Variants in ELP4 observed in about 807,000 individuals in gnomAD.
ELP4 encodes the protein elongator acetyltransferase complex subunit 4, also known as elongator complex protein 4.
In ELP4, 51 loss-of-function variants were observed where a neutral mutation model predicts 48.9. That is an observed-to-expected ratio of 1.04 (90% CI 0.83 to 1.32). ELP4 has a LOEUF of 1.32. Among genes scored for constraint, ELP4 ranks in the 40% most tolerant of loss-of-function variants. ELP4 has a pLI of 0.00. For synonymous variants in ELP4, 210 were observed against 189.2 expected (o/e 1.11, Z -0.90); for missense variants, 519 against 514.6 (o/e 1.01, Z -0.08).
At chr11:31,654,601 G>A (rs1278265863) in intron 9 of ELP4, 1 of 151,754 alleles carries the variant, frequency 6.6e-6, no homozygotes, top group East Asian at 1.9e-4. Flanking sequence ...GTACTATTCA[G>A]TAGGATTATT....
chr11:31,594,363 A>G (rs1957638123), intron 3 of ELP4, among the ~76,000 whole-genome samples: 1 of 152,116 alleles, frequency 6.6e-6, no homozygotes, highest in Non-Finnish European at 1.5e-5. Context: ...TTCTAAAATT[A>G]CAAACCAATA....
rs373950970 is a variant in ELP4, at chr11:31,550,532, A to G, written c.381+10749A>G. Among the ~76,000 whole-genome samples, 7 of 152,196 alleles carry G rather than the reference A, an allele frequency of 4.6e-5. No homozygotes were observed. In the East Asian group the frequency reaches 9.6e-4, roughly 21 times the overall value. On this transcript the variant is annotated intron_variant, in intron 3 of 9. Transcript: ENST00000640961. ...AAGAACTGAGGGTCCTGGGAATTTAACTATGTCAGTAGTCTTTTTTACTTT... is the reference window on the plus strand; with the variant it reads ...AAGAACTGAGGGTCCTGGGAATTTAGCTATGTCAGTAGTCTTTTTTACTTT...
chr11:31,618,260 C>T (rs745690254), intron 5 of ELP4, among the ~76,000 whole-genome samples: 10 of 151,978 alleles, frequency 6.6e-5, no homozygotes, highest in Non-Finnish European at 1.3e-4. Context: ...AACACAATAC[C>T]GTAGACTAAG....
chr11:31,627,239 T>C (rs1944763966), intron 6 of ELP4, 45 bp downstream of exon 6: 2 of 292,468 alleles, frequency 6.8e-6, no homozygotes, highest in Non-Finnish European at 1.1e-5. Context: ...TATATAATGT[T>C]GTTTTCAAAT....
chr11:31,588,847 G>A (rs1957521744), intron 3 of ELP4, among the ~76,000 whole-genome samples: 2 of 152,116 alleles, frequency 1.3e-5, no homozygotes, highest in Non-Finnish European at 2.9e-5. Flanking sequence ...GCTGGGCGTG[G>A]TGGCGCACAC....
In ELP4 at chr11:31,789,195, C is replaced by T. The variant is rs1450307937; in HGVS notation, c.*5671C>T. 1 of 206,678 alleles carries T rather than the reference C, an allele frequency of 4.8e-6. No individual in the cohort carries two copies. The highest frequency in any genetic ancestry group is 2.3e-5 in the African/African-American group (1 of 43,898). 12.8% of individuals were successfully genotyped at this position (206,678 alleles called of 1,614,324 possible). On this transcript the variant is annotated 3_prime_UTR_variant, in exon 10 of 10. Transcript: ENST00000640961. ...GTGTATAAAACATCTATATTCTTGTCAAATATAAATGAAATTAACTTTATT... is the reference window on the plus strand; with the variant it reads ...GTGTATAAAACATCTATATTCTTGTTAAATATAAATGAAATTAACTTTATT...
chr11:31,766,987 T>G (rs371566553), intron 9 of ELP4, among the ~76,000 whole-genome samples: 3 of 152,336 alleles, frequency 2.0e-5, no homozygotes, highest in African/African-American at 7.2e-5. Flanking sequence ...TATTGTACTT[T>G]AGAAATCATT....
intron 9 of ELP4, among the ~76,000 whole-genome samples, chr11:31,700,482 CGA>C (rs1347892596): frequency 6.6e-6 from 1 of 151,808 alleles, no homozygotes; most frequent in Non-Finnish European, 1.5e-5. Context: ...TGTAGACAAA[CGA>C]GTTAAGATTT....
intron 9 of ELP4, among the ~76,000 whole-genome samples, chr11:31,726,093 T>C (rs1947070986): frequency 6.6e-6 from 1 of 152,184 alleles, no homozygotes; most frequent in Non-Finnish European, 1.5e-5. Flanking sequence ...CAGAGGAGAA[T>C]GTAAACAGAG....
At chr11:31,591,948 A>G (rs77591857) in intron 3 of ELP4, among the ~76,000 whole-genome samples, 247 of 152,362 alleles carry the variant, frequency 1.6e-3, no homozygotes, top group Non-Finnish European at 2.1e-3. Context: ...ACATGGTGCA[A>G]CATAGAGGAA....
intron 9 of ELP4, among the ~76,000 whole-genome samples, chr11:31,660,654 T>C (rs563205861): frequency 6.6e-6 from 1 of 152,120 alleles, no homozygotes; most frequent in Non-Finnish European, 1.5e-5. Context: ...GTACTTGTTT[T>C]TTTTTAACAT....
chr11:31,525,773 G>A (rs976362684), intron 2 of ELP4, among the ~76,000 whole-genome samples: 2 of 152,022 alleles, frequency 1.3e-5, no homozygotes, highest in African/African-American at 4.8e-5. Context: ...TCCACTCCTA[G>A]GATTTTTGTT....
rs35783140 is a variant in ELP4, at chr11:31,758,670, C to CTT, written c.1144-24708_1144-24707dup. Among the ~76,000 whole-genome samples, 153 of 140,652 alleles carry CTT rather than the reference C, an allele frequency of 1.1e-3. 1 individual carries two copies. The highest frequency in any genetic ancestry group is 3.7e-3 in the Middle Eastern group (1 of 272). The allele number at this position is 140,652 out of a possible 152,430, so 92.3% of individuals were successfully genotyped here. A position where few individuals can be genotyped will look rare whatever the true frequency, so the allele number is the denominator to read the frequency against. On this transcript the variant is annotated intron_variant, in intron 9 of 9. Coordinates refer to ENST00000640961, the MANE Select transcript of ELP4 (RefSeq NM_019040.5). ...TGATATGTTGACAAAGAGGGTGGAACTTTTTTTTTTTTTTTTGAGATGGTC... is the reference window on the plus strand; with the variant it reads ...TGATATGTTGACAAAGAGGGTGGAACTTTTTTTTTTTTTTTTTTGAGATGGTC...
chr11:31,588,734 A>G (rs539861876), intron 3 of ELP4, among the ~76,000 whole-genome samples: 4 of 152,278 alleles, frequency 2.6e-5, no homozygotes, highest in African/African-American at 9.6e-5. Flanking sequence ...TATAATCCCA[A>G]CACTTTGGGA....
intron 3 of ELP4, among the ~76,000 whole-genome samples, chr11:31,573,407 A>T (rs1031672472): frequency 2.0e-5 from 3 of 152,240 alleles, no homozygotes; most frequent in Admixed American, 1.3e-4. Flanking sequence ...TCAGGCTGCC[A>T]TAACAAAATA....
chr11:31,741,414 G>A (rs916315485), intron 9 of ELP4, among the ~76,000 whole-genome samples: 4 of 152,184 alleles, frequency 2.6e-5, no homozygotes, highest in Admixed American at 6.5e-5. Context: ...CTCCCAGCAC[G>A]CAGCTTGAGA....
At chr11:31,709,529 T>G (rs1057213662) in intron 9 of ELP4, among the ~76,000 whole-genome samples, 3 of 152,070 alleles carry the variant, frequency 2.0e-5, no homozygotes, top group African/African-American at 7.2e-5. Flanking sequence ...CAAGAAAGAG[T>G]TTATCGTGGT....
intron 3 of ELP4, among the ~76,000 whole-genome samples, chr11:31,560,987 A>G (rs1002549202): frequency 1.3e-5 from 2 of 152,080 alleles, no homozygotes; most frequent in African/African-American, 4.8e-5. Context: ...AGGCTCTACC[A>G]TCTACCACCT....
intron 3 of ELP4, among the ~76,000 whole-genome samples, chr11:31,568,037 A>G: frequency 6.6e-6 from 1 of 152,224 alleles, no homozygotes; most frequent in East Asian, 1.9e-4. Context: ...TTTTACCCAC[A>G]GTAGAGCTTT....
Sources: gnomAD v4.1 joint callset for allele counts (sites outside exome capture counted in the v4.1 genomes callset) on GRCh38, gnomAD v4.1.1 for gene constraint, MANE v1.5 for transcripts, NCBI Gene and HGNC (gene_info 2026-07-23, HGNC 2026-07-21) for gene names.